Variants in RASA1 observed in about 807,000 individuals in gnomAD.
RASA1 encodes the protein ras GTPase-activating protein 1.
RASA1 carries 25 observed loss-of-function variants against 132.2 expected under a neutral mutation model. That is an observed-to-expected ratio of 0.19 (90% CI 0.14 to 0.26). The LOEUF is 0.26. Among genes scored for constraint, RASA1 ranks in the 10% least tolerant of loss-of-function variants. RASA1 has a pLI of 1.00. For synonymous variants in RASA1, 477 were observed against 449.9 expected (o/e 1.06, Z -0.76); for missense variants, 964 against 1,299.2 (o/e 0.74, Z 3.97).
rs571490595 is a variant in RASA1 at position 87,389,338 on chromosome 5, A to T, written c.2926-55A>T. The T allele has an allele frequency of 3.1e-6, 5 of 1,607,830 alleles. No individual in the cohort carries two copies. In the South Asian group the frequency reaches 4.4e-5, roughly 14 times the overall value. ...AAGAGCGAAACTCTGTCTCAAAAAA[A>T]ACAAAAAAAAAGAAGATTTGTATTT... On this transcript the variant is annotated intron_variant, in intron 23 of 24. Coordinates refer to ENST00000274376, the MANE Select transcript of RASA1 (RefSeq NM_002890.3).
At chr5:87,269,029 C>T (rs1351353159) in intron 1 of RASA1, 39 bp downstream of exon 1, 1 of 1,614,104 alleles carries the variant, frequency 6.2e-7, no homozygotes, top group Non-Finnish European at 8.5e-7. Flanking sequence ...GGGAAGCTGG[C>T]TCCAGAAAAG....
In RASA1 at chr5:87,376,438, C is replaced by A; in HGVS notation, c.2057C>A (p.Thr686Lys). 2 of 1,613,970 alleles carry A rather than the reference C, an allele frequency of 1.2e-6. No individual in the cohort carries two copies. Among genetic ancestry groups the A allele is most frequent in the Non-Finnish European group, 1.7e-6 (2 of 1,179,974 alleles). ...QLSRLQKGHA[T>K]DEWFLLSSHI... ...AGCCGATTACAGAAAGGGCATGCCA[C>A]AGATGAATGGTTTCTGCTCAGCTCC... Residue 686 changes from threonine to lysine, a missense_variant, in exon 16 of 25, where the codon ACA becomes AAA. By Grantham distance (78) the Thr-to-Lys change is moderately conservative (BLOSUM62 -1). This residue lies in a region of RASA1 where 346 missense variants were observed against 520.1 expected (regional missense o/e 0.67). Coordinates refer to ENST00000274376, the MANE Select transcript of RASA1 (RefSeq NM_002890.3).
At chr5:87,372,298 T>A in intron 13 of RASA1, 103 bp downstream of exon 13, 1 of 1,054,518 alleles carries the variant, frequency 9.5e-7, no homozygotes, top group African/African-American at 1.6e-5. Context: ...TCATATGGGG[T>A]TAAGCCATGC....
rs555598989 is a variant in RASA1 at position 87,276,398 on chromosome 5, T to C, written c.539+7408T>C. ...GTGCTGCGTTAAAAATTGTTGTTATTAGATACAACTTATTGATAACTATGT... is the reference window on the plus strand; with the variant it reads ...GTGCTGCGTTAAAAATTGTTGTTATCAGATACAACTTATTGATAACTATGT... On this transcript the variant is annotated intron_variant, in intron 1 of 24. Transcript: ENST00000274376. 4.8e-4 allele frequency among the ~76,000 whole-genome samples: 73 copies of C among 152,314 alleles called. 2 individuals are homozygous for C. The South Asian group carries it at 0.015, about 32-fold the overall frequency.
intron 12 of RASA1, 72 bp from the exon 13 acceptor site, chr5:87,372,046 A>AT (rs1760987891): frequency 1.4e-6 from 2 of 1,438,134 alleles, no homozygotes; most frequent in South Asian, 2.5e-5. Context: ...TTTGAAAAAA[A>AT]AAACCTAACT....
intron 6 of RASA1, among the ~76,000 whole-genome samples, chr5:87,342,695 T>C (rs1213086646): frequency 6.6e-6 from 1 of 152,170 alleles, no homozygotes; most frequent in Non-Finnish European, 1.5e-5. Flanking sequence ...TAGGGAAAAC[T>C]GTGGGAAGTA....
intron 2 of RASA1, 85 bp downstream of exon 2, chr5:87,331,585 A>G: frequency 7.0e-7 from 1 of 1,423,542 alleles, no homozygotes; most frequent in African/African-American, 1.4e-5. Context: ...ATAAAGGTGA[A>G]TGACTCAGTA....
intron 1 of RASA1, among the ~76,000 whole-genome samples, chr5:87,312,342 G>A (rs994158623): frequency 6.6e-6 from 1 of 152,212 alleles, no homozygotes; most frequent in Non-Finnish European, 1.5e-5. Context: ...GTACAAAAAT[G>A]TAAATTGGTG....
intron 1 of RASA1, among the ~76,000 whole-genome samples, chr5:87,303,078 C>T (rs1469205080): frequency 6.6e-6 from 1 of 152,096 alleles, no homozygotes; most frequent in Admixed American, 6.5e-5. Context: ...TCATATTTTT[C>T]ATACATGTGT....
Position 87,328,972 on chromosome 5 carries a change from A to C in RASA1, c.540-2376A>C, listed in dbSNP as rs535563379. On this transcript the variant is annotated intron_variant, in intron 1 of 24. Transcript: ENST00000274376. ...TTACAAGCTGATGGCTGGATAATTTAATTGCAGTTTATAGTCATAATCAAG... is the reference window on the plus strand; with the variant it reads ...TTACAAGCTGATGGCTGGATAATTTCATTGCAGTTTATAGTCATAATCAAG... Among the ~76,000 whole-genome samples the C allele has an allele frequency of 5.4e-3, 774 of 143,610 alleles. 10 individuals carry two copies. Among genetic ancestry groups the C allele is most frequent in the African/African-American group, 0.019 (738 of 39,876 alleles). The allele number at this position is 143,610 out of a possible 152,430, so 94.2% of individuals were successfully genotyped here.
intron 1 of RASA1, among the ~76,000 whole-genome samples, chr5:87,310,863 T>G (rs1280864778): frequency 6.6e-6 from 1 of 152,238 alleles, no homozygotes; most frequent in East Asian, 1.9e-4. Context: ...ACCAAATGAT[T>G]CATTATCAAG....
Position 87,280,741 on chromosome 5 carries a change from CAT to C in RASA1, c.539+11752_539+11753del, listed in dbSNP as rs557414788. The stretch of plus-strand genomic sequence containing the variant: ...TCAAGAGGTTCAACCCATATTGTAA[CAT>C]GTGTCAGAATTTTCTTTCTTTCTTT... On this transcript the variant is annotated intron_variant, in intron 1 of 24. Transcript: ENST00000274376. Among the ~76,000 whole-genome samples the C allele has an allele frequency of 4.8e-4, 73 of 152,006 alleles. No individual in the cohort carries two copies. In the South Asian group the frequency reaches 8.7e-3, roughly 18 times the overall value.
intron 1 of RASA1, among the ~76,000 whole-genome samples, chr5:87,285,213 G>A (rs907827803): frequency 6.6e-6 from 1 of 151,600 alleles, no homozygotes; most frequent in Non-Finnish European, 1.5e-5. Context: ...GACTACAGGC[G>A]AGTGCCACCA....
chr5:87,372,106 T>TTTTC lies in RASA1; in HGVS notation c.1699-8_1699-5dup, dbSNP rs1347017338. The TTTTC allele has an allele frequency of 1.2e-6, 2 of 1,612,166 alleles. No individual in the cohort carries two copies. Among genetic ancestry groups the TTTTC allele is most frequent in the Non-Finnish European group, 1.7e-6 (2 of 1,179,304 alleles). ...AGTGTATATTTCTTTGAAGTGCTGTTTTTCTTTGCAGGATTGGATGAAAGG... is the reference window on the plus strand; with the variant it reads ...AGTGTATATTTCTTTGAAGTGCTGTTTTTCTTTCTTTGCAGGATTGGATGAAAGG... On this transcript the variant is annotated splice_polypyrimidine_tract_variant and intron_variant, in intron 12 of 24. Coordinates refer to ENST00000274376, the MANE Select transcript of RASA1 (RefSeq NM_002890.3).
chr5:87,369,663 T>C (rs987454498), intron 11 of RASA1, 150 bp from the exon 12 acceptor site: 20 of 580,074 alleles, frequency 3.4e-5, no homozygotes, highest in African/African-American at 5.6e-5. Flanking sequence ...AGCTGACTTT[T>C]TTTTAGTAAT....
chr5:87,298,385 C>T (rs1755213364), intron 1 of RASA1, among the ~76,000 whole-genome samples: 1 of 149,682 alleles, frequency 6.7e-6, no homozygotes, highest in African/African-American at 2.5e-5. Context: ...TGCACTCCAG[C>T]CTGGACGACA....
intron 1 of RASA1, among the ~76,000 whole-genome samples, chr5:87,329,050 G>A (rs1181941886): frequency 6.6e-6 from 1 of 152,046 alleles, no homozygotes; most frequent in African/African-American, 2.4e-5. Flanking sequence ...TTGACATGAA[G>A]GAAATTGCTA....
intron 2 of RASA1, 70 bp from the exon 3 acceptor site, chr5:87,332,437 T>C: frequency 1.4e-6 from 2 of 1,439,998 alleles, no homozygotes; most frequent in Non-Finnish European, 1.9e-6. Flanking sequence ...TTATAATTTC[T>C]TTATAAAACT....
chr5:87,291,382 T>G (rs981755348), intron 1 of RASA1, among the ~76,000 whole-genome samples: 2 of 151,876 alleles, frequency 1.3e-5, no homozygotes, highest in Non-Finnish European at 2.9e-5. Flanking sequence ...AAAGAAAAAA[T>G]TAGCCAGATG....
Sources: gnomAD v4.1 joint callset for allele counts (sites outside exome capture counted in the v4.1 genomes callset) on GRCh38, gnomAD v4.1.1 for gene constraint, gnomAD v4.1.1 regional missense constraint, MANE v1.5 for transcripts, NCBI Gene and HGNC (gene_info 2026-07-23, HGNC 2026-07-21) for gene names.